The following ASTN2 variants were observed in gnomAD, a reference collection of about 807,000 sequenced individuals.
ASTN2 encodes astrotactin-2.
A neutral mutation model predicts 139.8 loss-of-function variants in ASTN2; 54 were observed. The ratio of observed to expected loss-of-function variants is 0.39; its 90% CI spans 0.31 to 0.48. The LOEUF is 0.48. Among genes scored for constraint, ASTN2 ranks in the 20% least tolerant of loss-of-function variants. ASTN2 has a pLI of 0.95. For missense variants in ASTN2, 1,565 were observed against 1,725.1 expected, an observed-to-expected ratio of 0.91 and a Z score of 1.64; for synonymous variants, 756 against 719.5, an observed-to-expected ratio of 1.05 and a Z score of -0.81.
intron 11 of ASTN2, among the ~76,000 whole-genome samples, chr9:116,841,328 T>C (rs1427850629): frequency 2.0e-5 from 3 of 152,140 alleles, no homozygotes; most frequent in Non-Finnish European, 4.4e-5. Context: ...ATGGCAGCAG[T>C]ACCGTCCAGC....
intron 16 of ASTN2, among the ~76,000 whole-genome samples, chr9:116,672,528 T>G (rs1295788179): frequency 5.3e-5 from 8 of 152,176 alleles, no homozygotes; most frequent in Admixed American, 5.2e-4. Flanking sequence ...TTGAGAATAG[T>G]AATAACAATA....
chr9:116,564,394 C>G (rs764793536), intron 19 of ASTN2, among the ~76,000 whole-genome samples: 51 of 152,126 alleles, frequency 3.4e-4, no homozygotes, highest in Non-Finnish European at 6.5e-4. Flanking sequence ...GAAAAAGAGC[C>G]CACCTCTCCC....
intron 19 of ASTN2, among the ~76,000 whole-genome samples, chr9:116,544,157 G>C (rs982951096): frequency 9.9e-5 from 15 of 152,136 alleles, no homozygotes; most frequent in Non-Finnish European, 2.2e-4. Flanking sequence ...TGACATACTA[G>C]TATTCTATGA....
At chr9:117,002,727 T>C (rs988766390) in intron 7 of ASTN2, among the ~76,000 whole-genome samples, 2 of 152,210 alleles carry the variant, frequency 1.3e-5, no homozygotes, top group African/African-American at 4.8e-5. Flanking sequence ...TCAGGCATTA[T>C]GCTGAATTTT....
intron 1 of ASTN2, among the ~76,000 whole-genome samples, chr9:117,393,987 T>C (rs759963004): frequency 1.3e-5 from 2 of 152,224 alleles, no homozygotes; most frequent in Non-Finnish European, 2.9e-5. Flanking sequence ...GACTATAAGA[T>C]GCACCAGACT....
chr9:117,046,375 A>T (rs1838743011), intron 5 of ASTN2, among the ~76,000 whole-genome samples: 1 of 152,154 alleles, frequency 6.6e-6, no homozygotes, highest in Non-Finnish European at 1.5e-5. Flanking sequence ...CTGGCAAGTG[A>T]TGTAAGCTCT....
At chr9:116,957,819 T>C (rs375927500) in intron 10 of ASTN2, among the ~76,000 whole-genome samples, 1 of 152,218 alleles carries the variant, frequency 6.6e-6, no homozygotes, top group African/African-American at 2.4e-5. Flanking sequence ...TAGCTAGGAC[T>C]ACAGGCACAT....
chr9:117,359,953 A>G (rs573442152), intron 1 of ASTN2, among the ~76,000 whole-genome samples: 4 of 152,338 alleles, frequency 2.6e-5, no homozygotes, highest in East Asian at 1.9e-4. Context: ...GGCGGTGAAC[A>G]TCGGCTTTTC....
At chr9:117,252,582 TA>T (rs546996073) in intron 2 of ASTN2, among the ~76,000 whole-genome samples, 2 of 152,144 alleles carry the variant, frequency 1.3e-5, no homozygotes, top group Non-Finnish European at 2.9e-5. Flanking sequence ...GTCATTAAAT[TA>T]AAAAAACAAA....
intron 2 of ASTN2, among the ~76,000 whole-genome samples, chr9:117,278,110 C>A (rs756006011): frequency 6.6e-6 from 1 of 152,214 alleles, no homozygotes; most frequent in Non-Finnish European, 1.5e-5. Context: ...CCAGCTCCTC[C>A]AAGTGACAGA....
intron 5 of ASTN2, among the ~76,000 whole-genome samples, chr9:117,071,399 C>T (rs973983475): frequency 6.6e-6 from 1 of 151,408 alleles, no homozygotes; most frequent in African/African-American, 2.4e-5. Flanking sequence ...CTGGGAGAAC[C>T]ACTGCTCCCT....
At chr9:117,384,330 A>G (rs1830343533) in intron 1 of ASTN2, among the ~76,000 whole-genome samples, 1 of 152,212 alleles carries the variant, frequency 6.6e-6, no homozygotes, top group African/African-American at 2.4e-5. Context: ...TTCAAAGACA[A>G]AAGCGAAACC....
Position 117,016,624 on chromosome 9 carries a change from C to G in ASTN2, c.1424-8365G>C, listed in dbSNP as rs12376774. ...TATATCTATATCTATATCTATCTAT[C>G]TATATATATATATATATATATATAT... is the stretch of plus-strand genomic sequence containing the variant. On this transcript the variant is annotated intron_variant, in intron 6 of 22. Coordinates refer to ENST00000313400, the MANE Select transcript of ASTN2 (RefSeq NM_001365068.1). Among the ~76,000 whole-genome samples, 3 of 20,016 alleles carry G rather than the reference C, an allele frequency of 1.5e-4. 1 individual carries two copies. Among genetic ancestry groups the G allele is most frequent in the African/African-American group, 4.5e-4 (2 of 4,426 alleles). The allele number at this position is 20,016 out of a possible 152,430, so 13.1% of individuals were successfully genotyped here. A position where few individuals can be genotyped will look rare whatever the true frequency, so the allele number is the denominator to read the frequency against.
intron 5 of ASTN2, among the ~76,000 whole-genome samples, chr9:117,054,073 T>G (rs1007534371): frequency 5.3e-5 from 8 of 151,660 alleles, no homozygotes; most frequent in African/African-American, 1.7e-4. Flanking sequence ...CTGTGAAGCC[T>G]TTTTGCTCAA....
At chr9:116,565,372 TCTCTCTCTCTCTCTCC>T (rs1588011127) in intron 19 of ASTN2, among the ~76,000 whole-genome samples, 4 of 28,754 alleles carry the variant, frequency 1.4e-4, no homozygotes, top group African/African-American at 5.4e-4. Flanking sequence ...TCTCTCTCTC[TCTCTCTCTCTCTCTCC>T]ATATATATAT....
chr9:116,821,787 G>A (rs977937719), intron 11 of ASTN2, among the ~76,000 whole-genome samples: 6 of 152,028 alleles, frequency 3.9e-5, no homozygotes, highest in South Asian at 2.1e-4. Context: ...CAGCTAGAAC[G>A]CTCTTGTCAG....
chr9:116,431,875 C>G (rs773865392), intron 22 of ASTN2, among the ~76,000 whole-genome samples: 1 of 152,174 alleles, frequency 6.6e-6, no homozygotes, highest in Non-Finnish European at 1.5e-5. Flanking sequence ...ATGACACAGT[C>G]ACCCTAAAAT....
At chr9:116,966,733 G>A (rs1223876782) in intron 10 of ASTN2, among the ~76,000 whole-genome samples, 1 of 151,108 alleles carries the variant, frequency 6.6e-6, no homozygotes, top group Non-Finnish European at 1.5e-5. Context: ...GGGATGTGGA[G>A]GTACCACGAA....
intron 13 of ASTN2, among the ~76,000 whole-genome samples, chr9:116,769,896 A>G (rs566683395): frequency 3.8e-4 from 31 of 81,544 alleles, no homozygotes; most frequent in Non-Finnish European, 8.3e-4. Flanking sequence ...TTAAATATAT[A>G]TATATGGGCA....
Sources: allele counts gnomAD v4.1 joint callset (sites outside exome capture counted in the v4.1 genomes callset), GRCh38; gene constraint gnomAD v4.1.1; transcripts MANE v1.5; gene names NCBI Gene and HGNC (gene_info 2026-07-23, HGNC 2026-07-21).